Variants in CACNA1H observed in about 807,000 individuals in gnomAD.
The protein encoded by CACNA1H is calcium voltage-gated channel subunit alpha1 H.
CACNA1H carries 149 observed loss-of-function variants against 192.5 expected under a neutral mutation model. The ratio of observed to expected loss-of-function variants is 0.77; its 90% confidence interval spans 0.68 to 0.89. The LOEUF is 0.89. Ranked by LOEUF, CACNA1H falls within the 40% of genes least tolerant of loss-of-function variation. The probability of loss-of-function intolerance (pLI) is 0.00; values close to 1 mark genes in which losing one functional copy is unlikely to be tolerated. For synonymous variants in CACNA1H, 2,202 were observed against 1,475.2 expected, an observed-to-expected ratio of 1.49 and a Z score of -11.29; for missense variants, 4,257 against 3,423.5, an observed-to-expected ratio of 1.24 and a Z score of -6.08.
Position 1,200,367 on chromosome 16 carries a change from C to A in CACNA1H, c.915C>A (p.Ile305=). The A allele has an allele frequency of 3.1e-6, 5 of 1,599,684 alleles. No homozygotes were observed. The highest frequency in any genetic ancestry group is 4.3e-6 in the Non-Finnish European group (5 of 1,174,060). The change falls in exon 7 of 35, where the codon ATC becomes ATA. Residue 305 remains isoleucine, a synonymous_variant. Transcript: ENST00000348261. The part of the protein sequence containing the change: ...RDNGMQKCSH[I]PGRRELRMPC... ...ACGGCATGCAGAAGTGCTCGCACAT[C>A]CCCGGCCGCCGCGAGCTGCGCATGC... is the stretch of plus-strand genomic sequence containing the variant.
rs755137199 is a variant in CACNA1H at position 1,201,768 on chromosome 16, C to T, written c.1318C>T (p.His440Tyr). 6.2e-6 allele frequency: 10 copies of T among 1,606,646 alleles called. No homozygotes were observed. The highest frequency in any genetic ancestry group is 1.7e-5 in the Admixed American group (1 of 59,242). ...GCTGATGCGGGAGCAGCGGGCACGC[C>T]ACCTGTCCAACGACAGCACGCTGGC... ...SQLMREQRAR[H>Y]LSNDSTLASF... The change falls in exon 9 of 35, where the codon CAC becomes TAC. Residue 440 changes from histidine (H) to tyrosine (Y), a missense_variant. His to Tyr is a moderately conservative substitution (Grantham distance 83). Transcript: ENST00000348261.
chr16:1,218,169 G>T lies in CACNA1H; in HGVS notation c.5446-41G>T, dbSNP rs568017307. ...CGGCACTGCCAGGGTGGCACCCGCG[G>T]GTGGGTGTGGACCCCGGCCCACAGC... is the stretch of plus-strand genomic sequence containing the variant. On this transcript the variant is annotated intron_variant, in intron 32 of 34. Coordinates refer to ENST00000348261, the MANE Select transcript of CACNA1H (RefSeq NM_021098.3). 20 of 1,537,350 alleles carry T rather than the reference G, an allele frequency of 1.3e-5. No individual in the cohort carries two copies. In the East Asian group the frequency reaches 4.7e-4, roughly 36 times the overall value.
At chr16:1,161,772 A>ACAGACCGCTGGC (rs1206271914) in intron 2 of CACNA1H, among the ~76,000 whole-genome samples, 1 of 151,936 alleles carries the variant, frequency 6.6e-6, no homozygotes. Flanking sequence ...CTGATGGGGG[A>ACAGACCGCTGGC]CAGACCGCTG....
intron 23 of CACNA1H, 52 bp downstream of exon 23, chr16:1,211,658 G>T (rs755577999): frequency 2.9e-5 from 47 of 1,610,002 alleles, no homozygotes; most frequent in Non-Finnish European, 3.8e-5. Flanking sequence ...ACCCTGGAGC[G>T]AGAGGGCCGG....
At position 1,219,001 on chromosome 16, in the gene CACNA1H, A is replaced by G. The variant is rs925360887; in HGVS notation, c.5919A>G (p.Ala1973=). The part of the protein sequence containing the change: ...GSVASVHSPP[A]ESCASLQIPL... The stretch of plus-strand genomic sequence containing the variant: ...TTGCCTCTGTGCACTCTCCGCCCGC[A>G]GAGTCCTGTGCCTCCCTCCAGATCC... The change falls in exon 34 of 35, where the codon GCA becomes GCG. Residue 1973 remains alanine, a synonymous_variant. Coordinates refer to ENST00000348261, the MANE Select transcript of CACNA1H (RefSeq NM_021098.3). The G allele has an allele frequency of 3.9e-6, 6 of 1,550,302 alleles. No individual in the cohort carries two copies. The highest frequency in any genetic ancestry group is 5.2e-6 in the Non-Finnish European group (6 of 1,146,900).
At chr16:1,187,148 C>T (rs1042238819) in intron 2 of CACNA1H, among the ~76,000 whole-genome samples, 1 of 152,252 alleles carries the variant, frequency 6.6e-6, no homozygotes, top group Admixed American at 6.5e-5. Flanking sequence ...CATAGGTCGT[C>T]TTCTTGAGCA....
In CACNA1H at chr16:1,210,350, A is replaced by AGAACCCCCCCCCCCCCCCCCCCCGGGC; in HGVS notation, c.3846-20_3846-19insGAACCCCCCCCCCCCCCCCCCCCGGGC. On this transcript the variant is annotated intron_variant, in intron 18 of 34. Coordinates refer to ENST00000348261, the MANE Select transcript of CACNA1H (RefSeq NM_021098.3). The stretch of plus-strand genomic sequence containing the variant: ...TCCACGCCGCCCCGCCCCACCTCTC[A>AGAACCCCCCCCCCCCCCCCCCCCGGGC]CCCGCCCCCGCCCACCCAGGTTCCG... The AGAACCCCCCCCCCCCCCCCCCCCGGGC allele has an allele frequency of 3.2e-6, 1 of 313,946 alleles. No individual in the cohort carries two copies. The highest frequency in any genetic ancestry group is 4.6e-6 in the Non-Finnish European group (1 of 215,956). 19.4% of individuals were successfully genotyped at this position (313,946 alleles called of 1,614,324 possible).
chr16:1,188,898 T>C (rs902022476), intron 2 of CACNA1H, among the ~76,000 whole-genome samples: 13 of 152,152 alleles, frequency 8.5e-5, no homozygotes, highest in African/African-American at 2.4e-4. Context: ...CAGCAGCCGC[T>C]GCAGCACTGC....
chr16:1,206,216 G>A lies in CACNA1H; in HGVS notation c.2716G>A (p.Val906Met), dbSNP rs536557648. Residue 906 changes from valine (V) to methionine (M), a missense_variant, in exon 12 of 35, where the codon GTG becomes ATG. Transcript: ENST00000348261. ...RFLPALRRQLVVLVKTMDNVA... is the reference protein window; with the variant it reads ...RFLPALRRQLMVLVKTMDNVA... ...TCTGCCAGCCCTGCGGCGCCAGCTCGTGGTGCTGGTGAAGACCATGGACAA... is the reference window on the plus strand; with the variant it reads ...TCTGCCAGCCCTGCGGCGCCAGCTCATGGTGCTGGTGAAGACCATGGACAA... 3.7e-5 allele frequency: 59 copies of A among 1,592,654 alleles called. No individual in the cohort carries two copies. The highest frequency in any genetic ancestry group is 5.2e-5 in the Admixed American group (3 of 57,596).
In CACNA1H at chr16:1,221,765, G is replaced by A. The variant is rs888106399; in HGVS notation, c.*771G>A. The A allele has an allele frequency of 5.1e-6, 8 of 1,579,478 alleles. No individual in the cohort carries two copies. Among genetic ancestry groups the A allele is most frequent in the Non-Finnish European group, 6.0e-6 (7 of 1,161,818 alleles). ...GCGGAATAAATAGTAACTTATTTAA[G>A]AAATGCACTTGGATTCCTGCCATCA... On this transcript the variant is annotated 3_prime_UTR_variant, in exon 35 of 35. Transcript: ENST00000348261.
rs80057817 is a variant in CACNA1H at position 1,206,675 on chromosome 16, C to T, written c.2790-326C>T. The T allele has an allele frequency of 4.3e-3, 1,810 of 425,528 alleles. 24 individuals carry two copies. Among genetic ancestry groups the T allele is most frequent in the African/African-American group, 0.032 (1,613 of 50,148 alleles). The allele number at this position is 425,528 out of a possible 1,614,324, so 26.4% of individuals were successfully genotyped here. On this transcript the variant is annotated intron_variant, in intron 12 of 34. Coordinates refer to ENST00000348261, the MANE Select transcript of CACNA1H (RefSeq NM_021098.3). ...CTGGAGGCTAGGCAGCCAGGCAGGCCGGGCTTTCACAGTCCAGAGAGGCTG... is the reference window on the plus strand; with the variant it reads ...CTGGAGGCTAGGCAGCCAGGCAGGCTGGGCTTTCACAGTCCAGAGAGGCTG...
rs146103792 is a variant in CACNA1H, at chr16:1,212,023, C to T, written c.4644C>T (p.Asn1548=). ...TCATCGTCAGCTTCTTCGTGCTCAA[C>T]ATGTTCGTGGGCGTCGTGGTCGAGA... is the stretch of plus-strand genomic sequence containing the variant. ...FLLIVSFFVL[N]MFVGVVVENF... Residue 1548 remains asparagine (N), a synonymous_variant, in exon 25 of 35, where the codon AAC becomes AAT. Transcript: ENST00000348261. The T allele has an allele frequency of 1.8e-5, 29 of 1,613,534 alleles. No individual in the cohort carries two copies. The African/African-American group carries it at 2.8e-4, about 16-fold the overall frequency.
At chr16:1,217,531 C>T (rs1276520733) in intron 31 of CACNA1H, among the ~76,000 whole-genome samples, 1 of 152,214 alleles carries the variant, frequency 6.6e-6, no homozygotes, top group Admixed American at 6.5e-5. Context: ...CTGCAGGGCC[C>T]TCCCCCGGGC....
rs1963156048 is a variant in CACNA1H, at chr16:1,161,202, CGTTGGCGACTGATGGGAGCGAA to C, written c.299+7168_299+7189del. Reference sequence around the variant, plus strand: ...CTGCTGGTGGTGTGGGTGCTTCTGCCGTTGGCGACTGATGGGAGCGAAGCTGTTCCTTTGTGGATGGACCGTT... The same window carrying C: ...CTGCTGGTGGTGTGGGTGCTTCTGCCGCTGTTCCTTTGTGGATGGACCGTT... On this transcript the variant is annotated intron_variant, in intron 2 of 34. Transcript: ENST00000348261. Among the ~76,000 whole-genome samples, 5 of 152,302 alleles carry C rather than the reference CGTTGGCGACTGATGGGAGCGAA, an allele frequency of 3.3e-5. No homozygotes were observed. The South Asian group carries it at 1.0e-3, about 32-fold the overall frequency.
At chr16:1,162,399 C>T (rs1026503612) in intron 2 of CACNA1H, among the ~76,000 whole-genome samples, 1 of 152,160 alleles carries the variant, frequency 6.6e-6, no homozygotes, top group African/African-American at 2.4e-5. Context: ...GAAAAATGGC[C>T]CATGAGCAGG....
chr16:1,174,067 T>TA (rs767223375), intron 2 of CACNA1H, among the ~76,000 whole-genome samples: 2 of 152,204 alleles, frequency 1.3e-5, no homozygotes, highest in South Asian at 2.1e-4. Flanking sequence ...GGCCTCCTGA[T>TA]ACGGGGAGCT....
chr16:1,175,872 G>A (rs1440937908), intron 2 of CACNA1H, among the ~76,000 whole-genome samples: 2 of 152,176 alleles, frequency 1.3e-5, no homozygotes, highest in African/African-American at 4.8e-5. Context: ...CCCGTCTCGG[G>A]CAGACCTTGG....
chr16:1,219,900 T>C (rs1413458466), intron 34 of CACNA1H, 81 bp from the exon 35 acceptor site: 4 of 1,120,580 alleles, frequency 3.6e-6, no homozygotes, highest in African/African-American at 1.6e-5. Context: ...AGTACCTGGA[T>C]GGTGAGGGGT....
Position 1,218,598 on chromosome 16 carries a change from C to T in CACNA1H, c.5834C>T (p.Pro1945Leu), listed in dbSNP as rs867988292. ...RPVVPASAPH[P>L]RPLQEVEMET... is the part of the protein sequence containing the mutation. ...GTGGTGCCTGCCTCGGCGCCCCACC[C>T]CCGCCCGCTGCAGGAGGTGGAGATG... Residue 1945 changes from proline (P) to leucine (L), a missense_variant, in exon 33 of 35, where the codon CCC (proline) becomes CTC (leucine). Transcript: ENST00000348261. 1.3e-6 allele frequency: 2 copies of T among 1,565,252 alleles called. No homozygotes were observed. The highest frequency in any genetic ancestry group is 1.7e-6 in the Non-Finnish European group (2 of 1,155,080).
Sources: allele counts gnomAD v4.1 joint callset (sites outside exome capture counted in the v4.1 genomes callset), GRCh38; gene constraint gnomAD v4.1.1; transcripts MANE v1.5; gene names NCBI Gene and HGNC (gene_info 2026-07-23, HGNC 2026-07-21).